The following CMSS1 variants were observed in gnomAD, a reference collection of about 807,000 sequenced individuals.
The protein encoded by CMSS1 is cms1 ribosomal small subunit homolog, also known as protein CMSS1.
CMSS1 carries 33 observed loss-of-function variants against 43.5 expected under a neutral mutation model. That is an observed-to-expected ratio of 0.76 (90% CI 0.57 to 1.01). CMSS1 has a LOEUF of 1.01. CMSS1 is among the 50% of genes least tolerant of loss of function. CMSS1 has a pLI of 0.00. For missense variants in CMSS1, 313 were observed against 326.4 expected, an observed-to-expected ratio of 0.96 and a Z score of 0.32; for synonymous variants, 115 against 117.2, an observed-to-expected ratio of 0.98 and a Z score of 0.12.
chr3:100,141,968 T>C (rs1343109372), intron 1 of CMSS1, among the ~76,000 whole-genome samples: 1 of 152,258 alleles, frequency 6.6e-6, no homozygotes, highest in East Asian at 1.9e-4. Flanking sequence ...TTCAATATTC[T>C]CTTAATGGAA....
At chr3:99,932,381 T>G (rs1279777421) in intron 1 of CMSS1, among the ~76,000 whole-genome samples, 2 of 152,240 alleles carry the variant, frequency 1.3e-5, no homozygotes, top group African/African-American at 4.8e-5. Context: ...ATTTTTGAGA[T>G]TCTTCCTTGT....
At chr3:100,119,940 T>C (rs1325187276) in intron 1 of CMSS1, among the ~76,000 whole-genome samples, 1 of 152,236 alleles carries the variant, frequency 6.6e-6, no homozygotes, top group Non-Finnish European at 1.5e-5. Flanking sequence ...TAGGAACTGG[T>C]ATAATGAGGG....
intron 1 of CMSS1, among the ~76,000 whole-genome samples, chr3:100,063,313 G>A (rs2065605861): frequency 6.6e-6 from 1 of 151,868 alleles, no homozygotes; most frequent in Non-Finnish European, 1.5e-5. Flanking sequence ...TTAAAAATTG[G>A]TTCCACACTC....
chr3:99,832,667 A>G (rs1244196264), intron 1 of CMSS1, among the ~76,000 whole-genome samples: 3 of 146,126 alleles, frequency 2.1e-5, no homozygotes, highest in Non-Finnish European at 3.0e-5. Flanking sequence ...ACACGGTGAA[A>G]CCCTGTCTCT....
intron 1 of CMSS1, among the ~76,000 whole-genome samples, chr3:99,899,937 T>A (rs1361015420): frequency 6.6e-6 from 1 of 152,226 alleles, no homozygotes; most frequent in Non-Finnish European, 1.5e-5. Context: ...TACTAGTACA[T>A]TCCTAAGGTG....
chr3:99,961,348 T>G (rs1207948619), intron 1 of CMSS1, among the ~76,000 whole-genome samples: 1 of 152,176 alleles, frequency 6.6e-6, no homozygotes, highest in Non-Finnish European at 1.5e-5. Context: ...CTCCATGGGG[T>G]GGCAAGCTTA....
intron 1 of CMSS1, among the ~76,000 whole-genome samples, chr3:99,897,688 A>G (rs1018744812): frequency 6.6e-6 from 1 of 152,186 alleles, no homozygotes; most frequent in Non-Finnish European, 1.5e-5. Flanking sequence ...TTGGGAAGCA[A>G]TGAGGTTCTG....
At chr3:99,855,244 G>T (rs1269312272) in intron 1 of CMSS1, among the ~76,000 whole-genome samples, 1 of 152,088 alleles carries the variant, frequency 6.6e-6, no homozygotes, top group South Asian at 2.1e-4. Flanking sequence ...ACTAAAATCT[G>T]TCCACATTTC....
intron 1 of CMSS1, among the ~76,000 whole-genome samples, chr3:100,087,446 A>G (rs1045171273): frequency 6.6e-6 from 1 of 152,168 alleles, no homozygotes; most frequent in Admixed American, 6.5e-5. Flanking sequence ...TAATAGTGGT[A>G]TCTCCTTGTG....
At chr3:100,033,297 T>C (rs1213913121) in intron 1 of CMSS1, among the ~76,000 whole-genome samples, 1 of 152,176 alleles carries the variant, frequency 6.6e-6, no homozygotes, top group Non-Finnish European at 1.5e-5. Context: ...TGTCTGAACT[T>C]GCCCTCAAAG....
chr3:99,935,125 T>A (rs974090181), intron 1 of CMSS1, among the ~76,000 whole-genome samples: 1 of 152,208 alleles, frequency 6.6e-6, no homozygotes, highest in African/African-American at 2.4e-5. Flanking sequence ...AATTTCATGA[T>A]ACTCTCATGC....
chr3:100,131,812 G>A (rs1403629700), intron 1 of CMSS1, among the ~76,000 whole-genome samples: 5 of 152,164 alleles, frequency 3.3e-5, no homozygotes, highest in Non-Finnish European at 7.3e-5. Flanking sequence ...AAATAAAAGT[G>A]TCATGACAAG....
At chr3:100,069,684 C>T (rs1186346593) in intron 1 of CMSS1, among the ~76,000 whole-genome samples, 1 of 152,108 alleles carries the variant, frequency 6.6e-6, no homozygotes, top group East Asian at 1.9e-4. Flanking sequence ...CAGGAAATGT[C>T]GTCATGGTCT....
intron 1 of CMSS1, chr3:99,849,506 C>A: frequency 6.2e-7 from 1 of 1,613,376 alleles, no homozygotes; most frequent in Non-Finnish European, 8.5e-7. Context: ...TGAATTTTCT[C>A]TTTTAATGCA....
chr3:99,880,126 T>C (rs1182388981), intron 1 of CMSS1, among the ~76,000 whole-genome samples: 1 of 152,184 alleles, frequency 6.6e-6, no homozygotes, highest in African/African-American at 2.4e-5. Flanking sequence ...TGAAGGGACC[T>C]GTAGGCAACT....
chr3:99,909,751 A>G (rs955425305), intron 1 of CMSS1, among the ~76,000 whole-genome samples: 1 of 152,210 alleles, frequency 6.6e-6, no homozygotes, highest in African/African-American at 2.4e-5. Context: ...GTTATAGTTA[A>G]TTTAGATAAC....
At chr3:100,046,484 C>A (rs1055391392) in intron 1 of CMSS1, among the ~76,000 whole-genome samples, 3 of 150,622 alleles carry the variant, frequency 2.0e-5, no homozygotes, top group Non-Finnish European at 2.9e-5. Flanking sequence ...AGTTTTATCT[C>A]TAGAGCTTGT....
chr3:99,870,349 G>A (rs1944728248), intron 1 of CMSS1, among the ~76,000 whole-genome samples: 1 of 152,166 alleles, frequency 6.6e-6, no homozygotes, highest in African/African-American at 2.4e-5. Context: ...ATTCAGCAAG[G>A]TTGGCCATTG....
intron 1 of CMSS1, among the ~76,000 whole-genome samples, chr3:100,074,120 G>C (rs1238568327): frequency 6.6e-6 from 1 of 152,008 alleles, no homozygotes; most frequent in African/African-American, 2.4e-5. Context: ...TCTTGTTTAT[G>C]TATGCTGTAA....
Sources: allele counts gnomAD v4.1 joint callset (sites outside exome capture counted in the v4.1 genomes callset), GRCh38; gene constraint gnomAD v4.1.1; transcripts MANE v1.5; gene names NCBI Gene and HGNC (gene_info 2026-07-23, HGNC 2026-07-21).